CADPS2: variants seen among roughly 807,000 people sequenced by gnomAD.
CADPS2 encodes calcium dependent secretion activator 2.
Under a neutral mutation model 172.5 loss-of-function variants are expected in CADPS2, and 93 were observed. The ratio of observed to expected loss-of-function variants is 0.54; its 90% CI spans 0.46 to 0.64. The LOEUF (loss-of-function observed/expected upper bound fraction) is 0.64. Ranked by LOEUF, CADPS2 falls within the 30% of genes least tolerant of loss-of-function variation. CADPS2 has a pLI of 0.00. For missense variants in CADPS2, 1,420 were observed against 1,565.9 expected (o/e 0.91, Z 1.57); for synonymous variants, 546 against 555.2 (o/e 0.98, Z 0.23).
intron 20 of CADPS2, among the ~76,000 whole-genome samples, chr7:122,396,948 G>C (rs2045222182): frequency 6.6e-6 from 1 of 152,184 alleles, no homozygotes; most frequent in Non-Finnish European, 1.5e-5. Flanking sequence ...TGAAGGCTAA[G>C]ATTATTACAT....
At chr7:122,590,554 A>G (rs929885942) in intron 6 of CADPS2, among the ~76,000 whole-genome samples, 1 of 151,896 alleles carries the variant, frequency 6.6e-6, no homozygotes, top group East Asian at 1.9e-4. Flanking sequence ...TCCAGTCTTA[A>G]CCATTACAGG....
At chr7:122,739,347 AATTTT>A (rs1417518075) in intron 1 of CADPS2, among the ~76,000 whole-genome samples, 5 of 152,138 alleles carry the variant, frequency 3.3e-5, no homozygotes, top group South Asian at 4.1e-4. Flanking sequence ...TTTTTCATTC[AATTTT>A]ATTTTATCAA....
intron 2 of CADPS2, among the ~76,000 whole-genome samples, chr7:122,732,400 G>A (rs1256793870): frequency 6.6e-6 from 1 of 150,682 alleles, no homozygotes; most frequent in Non-Finnish European, 1.5e-5. Context: ...GATGGAAAAG[G>A]CTATTCATAA....
chr7:122,346,124 T>C (rs920060136), intron 27 of CADPS2, among the ~76,000 whole-genome samples: 2 of 152,096 alleles, frequency 1.3e-5, no homozygotes, highest in Admixed American at 1.3e-4. Flanking sequence ...CCCAGCACTT[T>C]GAAAGGCTGA....
intron 11 of CADPS2, among the ~76,000 whole-genome samples, chr7:122,487,864 C>A (rs1195095334): frequency 6.6e-6 from 1 of 152,016 alleles, no homozygotes; most frequent in East Asian, 1.9e-4. Flanking sequence ...ATGCAGTAAT[C>A]AGAAGAATGA....
chr7:122,568,610 C>G (rs537423112), intron 7 of CADPS2, among the ~76,000 whole-genome samples: 1 of 152,168 alleles, frequency 6.6e-6, no homozygotes, highest in Non-Finnish European at 1.5e-5. Flanking sequence ...GTGGAGAAAG[C>G]ATTTCAACAG....
At chr7:122,650,241 A>G (rs2134941176) in intron 3 of CADPS2, among the ~76,000 whole-genome samples, 1 of 151,906 alleles carries the variant, frequency 6.6e-6, no homozygotes, top group East Asian at 1.9e-4. Flanking sequence ...AAAAGAAAAA[A>G]TATATATCAA....
chr7:122,781,192 G>A (rs927659233), intron 1 of CADPS2, among the ~76,000 whole-genome samples: 2 of 152,036 alleles, frequency 1.3e-5, no homozygotes, highest in African/African-American at 4.8e-5. Flanking sequence ...TCAATTTGTT[G>A]TCCTTTGAAC....
At position 122,429,998 on chromosome 7, in the gene CADPS2, A is replaced by G. The variant is rs147570806; in HGVS notation, c.2476+8343T>C. The stretch of plus-strand genomic sequence containing the variant: ...AGTGTTAAATTAAAACACCACCCAG[A>G]TGACACACACATCCTAATGATATAA... On this transcript the variant is annotated intron_variant, in intron 17 of 29. Coordinates refer to ENST00000449022, the MANE Select transcript of CADPS2 (RefSeq NM_017954.11). 8.5e-3 allele frequency among the ~76,000 whole-genome samples: 1,290 copies of G among 152,224 alleles called. 17 individuals carry two copies. Among genetic ancestry groups the G allele is most frequent in the African/African-American group, 0.03 (1,227 of 41,522 alleles).
chr7:122,714,203 T>C (rs1391091645), intron 2 of CADPS2, among the ~76,000 whole-genome samples: 1 of 152,118 alleles, frequency 6.6e-6, no homozygotes, highest in Non-Finnish European at 1.5e-5. Flanking sequence ...GGTAAGGTTA[T>C]ACTAACAGAT....
intron 2 of CADPS2, among the ~76,000 whole-genome samples, chr7:122,684,238 T>C (rs1042049266): frequency 6.6e-6 from 1 of 152,134 alleles, no homozygotes; most frequent in African/African-American, 2.4e-5. Flanking sequence ...TCGTTTCACT[T>C]AAAAATCACA....
chr7:122,871,465 C>G (rs1173513169), intron 1 of CADPS2, among the ~76,000 whole-genome samples: 2 of 150,980 alleles, frequency 1.3e-5, no homozygotes, highest in African/African-American at 4.9e-5. Flanking sequence ...TACAGTATTC[C>G]CCCCCACAAA....
chr7:122,482,611 G>A (rs187503546), intron 11 of CADPS2, among the ~76,000 whole-genome samples: 274 of 152,246 alleles, frequency 1.8e-3, no homozygotes, highest in Middle Eastern at 3.4e-3. Flanking sequence ...AACGCTGCAC[G>A]TTGGGCAACG....
chr7:122,564,952 C>G (rs1276420344), intron 7 of CADPS2, among the ~76,000 whole-genome samples: 1 of 151,664 alleles, frequency 6.6e-6, no homozygotes, highest in Admixed American at 6.6e-5. Context: ...AGGCCATTAT[C>G]CTAAGTGAAA....
intron 27 of CADPS2, among the ~76,000 whole-genome samples, chr7:122,358,972 G>A (rs1438484681): frequency 6.6e-6 from 1 of 152,102 alleles, no homozygotes; most frequent in Non-Finnish European, 1.5e-5. Flanking sequence ...TGTGCATAAT[G>A]ATATGTCTGT....
intron 1 of CADPS2, among the ~76,000 whole-genome samples, chr7:122,742,704 T>C (rs112707216): frequency 5.1e-4 from 78 of 152,320 alleles, no homozygotes; most frequent in African/African-American, 1.8e-3. Context: ...TAAAACATTC[T>C]TACATGTGCC....
chr7:122,791,387 A>G (rs2139685646), intron 1 of CADPS2, among the ~76,000 whole-genome samples: 2 of 152,088 alleles, frequency 1.3e-5, no homozygotes, highest in South Asian at 4.2e-4. Flanking sequence ...CAAATATTCT[A>G]ATCTTCCATG....
chr7:122,886,108 T>C lies in CADPS2; in HGVS notation c.230A>G (p.Asp77Gly). ...GRDEPQRQLD[D>G]EQERRIRLQL... ...CAGGCGGATCCTCCGCTCCTGCTCA[T>C]CGTCCAGCTGCCGCTGGGGCTCGTC... The change falls in exon 1 of 30, where the codon GAT (aspartate) becomes GGT (glycine). Residue 77 changes from aspartate (D) to glycine (G), a missense_variant. By Grantham distance (94) the Asp-to-Gly change is moderately conservative (BLOSUM62 -1). Transcript: ENST00000449022. 6.4e-7 allele frequency: 1 copy of C among 1,570,278 alleles called. No homozygotes were observed. Among genetic ancestry groups the C allele is most frequent in the East Asian group, 2.4e-5 (1 of 42,380 alleles).
chr7:122,516,866 C>G (rs2060418257), intron 8 of CADPS2, among the ~76,000 whole-genome samples: 1 of 151,972 alleles, frequency 6.6e-6, no homozygotes, highest in Admixed American at 6.6e-5. Context: ...TCCACAATGT[C>G]TATATTGGCC....
Sources: allele counts gnomAD v4.1 joint callset (sites outside exome capture counted in the v4.1 genomes callset), GRCh38; gene constraint gnomAD v4.1.1; transcripts MANE v1.5; gene names NCBI Gene and HGNC (gene_info 2026-07-23, HGNC 2026-07-21).